Variants in RECQL4 observed in about 807,000 individuals in gnomAD.
RECQL4 encodes the protein ATP-dependent DNA helicase Q4.
RECQL4 carries 158 observed loss-of-function variants against 128.6 expected under a neutral mutation model. That is an observed-to-expected ratio of 1.23 (90% CI 1.08 to 1.40). The LOEUF is 1.40. RECQL4 is among the 40% of genes most tolerant of loss of function. The probability of loss-of-function intolerance (pLI) is 0.00; values close to 1 mark genes in which losing one functional copy is unlikely to be tolerated. For missense variants in RECQL4, 2,293 were observed against 1,649.8 expected (o/e 1.39, Z -6.75); for synonymous variants, 996 against 678.9 (o/e 1.47, Z -7.26).
chr8:144,515,887 A>C lies in RECQL4; in HGVS notation c.1135T>G (p.Trp379Gly). Residue 379 changes from tryptophan to glycine, a missense_variant, in exon 6 of 21, where the codon TGG (tryptophan) becomes GGG (glycine). Trp to Gly is a radical substitution (Grantham distance 184). Transcript: ENST00000617875. Reference protein sequence around the residue: ...LRSRLLRKQAWKQKWRKKGEC... With the variant: ...LRSRLLRKQAGKQKWRKKGEC... ...CCTTTCTTCCGCCACTTCTGCTTCC[A>C]TGCCTGGGGGGTGCCCACATAGGAG... The C allele has an allele frequency of 6.2e-7, 1 of 1,612,832 alleles. No individual in the cohort carries two copies. Among genetic ancestry groups the C allele is most frequent in the Non-Finnish European group, 8.5e-7 (1 of 1,179,790 alleles).
In RECQL4 at chr8:144,516,758, G is replaced by C. The variant is rs756069461; in HGVS notation, c.361C>G (p.Pro121Ala). ...GGCCACGGTCTGCGGCCCAGGGCTG[G>C]TCCGGCCTGGGAGGGGAACAACAGA... ...ANLKGTLQAG[P>A]ALGRRPWPLG... Residue 121 changes from proline (P) to alanine (A), a missense_variant, in exon 5 of 21, where the codon CCA (proline) becomes GCA (alanine). Pro to Ala is a conservative substitution (Grantham distance 27). Coordinates refer to ENST00000617875, the MANE Select transcript of RECQL4 (RefSeq NM_004260.4). The C allele has an allele frequency of 1.3e-5, 20 of 1,521,038 alleles. No individual in the cohort carries two copies. The highest frequency in any genetic ancestry group is 1.7e-5 in the Non-Finnish European group (19 of 1,138,610). The allele number at this position is 1,521,038 out of a possible 1,614,324, so 94.2% of individuals were successfully genotyped here. A position where few individuals can be genotyped will look rare whatever the true frequency, so the allele number is the denominator to read the frequency against.
In RECQL4 at chr8:144,517,479, G is replaced by A. The variant is rs1325079305; in HGVS notation, c.148C>T (p.Arg50Cys). ...CCGCCGCCGGCCTGGCCCGTGGTAC[G>A]CTTCAGAGTGCGGTATTCCCGGTAG... ...ALYREYRTLK[R>C]TTGQAGGGLR... Residue 50 changes from arginine (R) to cysteine (C), a missense_variant, in exon 3 of 21, where the codon CGT becomes TGT. By Grantham distance (180) the Arg-to-Cys change is radical. Coordinates refer to ENST00000617875, the MANE Select transcript of RECQL4 (RefSeq NM_004260.4). The A allele has an allele frequency of 2.5e-6, 4 of 1,597,118 alleles. No homozygotes were observed. Among genetic ancestry groups the A allele is most frequent in the South Asian group, 1.1e-5 (1 of 89,538 alleles).
In RECQL4 at chr8:144,512,423, G is replaced by A. The variant is rs1207281827; in HGVS notation, c.3024C>T (p.Cys1008=). The change falls in exon 17 of 21, where the codon TGC becomes TGT. Residue 1008 remains cysteine, a synonymous_variant. Coordinates refer to ENST00000617875, the MANE Select transcript of RECQL4 (RefSeq NM_004260.4). ...WELASVRRAL[C]QLQWDHEPRT... ...TGGGCTCGTGGTCCCACTGCAGCTG[G>A]CAGAGAGCCCGCCGCACAGAGGCCA... 1.9e-6 allele frequency: 3 copies of A among 1,608,192 alleles called. No homozygotes were observed. Among genetic ancestry groups the A allele is most frequent in the Non-Finnish European group, 2.5e-6 (3 of 1,177,036 alleles).
chr8:144,513,786 G>A (rs1366307104), intron 12 of RECQL4, 74 bp from the exon 13 acceptor site: 5 of 889,944 alleles, frequency 5.6e-6, no homozygotes, highest in African/African-American at 8.1e-5. Flanking sequence ...GTGAGGAGGG[G>A]TCGGCGTGGG....
In RECQL4 at chr8:144,516,424, G is replaced by A. The variant is rs1789584780; in HGVS notation, c.695C>T (p.Ala232Val). 6.2e-7 allele frequency: 1 copy of A among 1,609,166 alleles called. No homozygotes were observed. Among genetic ancestry groups the A allele is most frequent in the Non-Finnish European group, 8.5e-7 (1 of 1,179,668 alleles). ...TGAAGCCTCTGGGCCCTGGGAGCCA[G>A]CACCAGGACCAAGGACAGCCGACTC... Reference protein sequence around the residue: ...PGESAVLGPGAGSQGPEASAF... With the variant: ...PGESAVLGPGVGSQGPEASAF... Residue 232 changes from alanine to valine, a missense_variant, in exon 5 of 21, where the codon GCT (alanine) becomes GTT (valine). Coordinates refer to ENST00000617875, the MANE Select transcript of RECQL4 (RefSeq NM_004260.4).
In RECQL4 at chr8:144,514,127, GGT is replaced by G. The variant is rs1003029779; in HGVS notation, c.1879-22_1879-21del. ...AAGCACCTGCACCAGAGGCGGCAGT[GGT>G]GTGAGGCCGCCCAGCCCATCCCGGC... On this transcript the variant is annotated intron_variant, in intron 11 of 20. Transcript: ENST00000617875. The G allele has an allele frequency of 4.3e-6, 7 of 1,609,642 alleles. No individual in the cohort carries two copies. In the African/African-American group the frequency reaches 8.0e-5, roughly 18 times the overall value.
intron 7 of RECQL4, 24 bp from the exon 8 acceptor site, chr8:144,515,266 C>A (rs763066247): frequency 6.2e-7 from 1 of 1,606,984 alleles, no homozygotes; most frequent in South Asian, 1.1e-5. Context: ...TGTTGATCAC[C>A]ATGACTTGAG....
chr8:144,515,119 GC>G, intron 8 of RECQL4, 30 bp downstream of exon 8: 1 of 1,577,380 alleles, frequency 6.3e-7, no homozygotes, highest in Non-Finnish European at 8.6e-7. Context: ...CCTGGCCTCA[GC>G]CCAGCCTCAG....
chr8:144,511,766 G>C lies in RECQL4; in HGVS notation c.3417C>G (p.Val1139=), dbSNP rs761157177. ...QARLQDWEDQ[V]RCDIRQFLSL... The stretch of plus-strand genomic sequence containing the variant: ...ACAGGAACTGGCGGATGTCGCAGCG[G>C]ACCTGGTCCTCCCAATCCTGGAGCT... Residue 1139 remains valine (V), a synonymous_variant, in exon 20 of 21, where the codon GTC becomes GTG. Transcript: ENST00000617875. 1.9e-6 allele frequency: 3 copies of C among 1,612,580 alleles called. No individual in the cohort carries two copies. In the East Asian group the frequency reaches 6.7e-5, roughly 36 times the overall value.
chr8:144,516,541 C>T lies in RECQL4; in HGVS notation c.578G>A (p.Arg193Gln), dbSNP rs747963862. 21 of 1,609,808 alleles carry T rather than the reference C, an allele frequency of 1.3e-5. No homozygotes were observed. The highest frequency in any genetic ancestry group is 6.7e-5 in the Admixed American group (4 of 59,724). The change falls in exon 5 of 21, where the codon CGA becomes CAA. Residue 193 changes from arginine (R) to glutamine (Q), a missense_variant. Physicochemically the swap from Arg to Gln is conservative, Grantham distance 43. Transcript: ENST00000617875. ...LGSLDPGWLQRCHSEVPDFLG... is the reference protein window; with the variant it reads ...LGSLDPGWLQQCHSEVPDFLG... ...AAAATCTGGGACCTCACTGTGACAT[C>T]GCTGTAACCAGCCAGGATCTAGGGA... is the stretch of plus-strand genomic sequence containing the variant.
rs759359138 is a variant in RECQL4 at position 144,512,559 on chromosome 8, C to T, written c.2888G>A (p.Cys963Tyr). 2 of 1,612,482 alleles carry T rather than the reference C, an allele frequency of 1.2e-6. No homozygotes were observed. Among genetic ancestry groups the T allele is most frequent in the South Asian group, 2.2e-5 (2 of 91,086 alleles). Residue 963 changes from cysteine (C) to tyrosine (Y), a missense_variant and splice_region_variant, in exon 17 of 21, where the codon TGT becomes TAT. Physicochemically the swap from Cys to Tyr is radical, Grantham distance 194 (BLOSUM62 -2). Transcript: ENST00000617875. Reference sequence around the variant, plus strand: ...GGCCAAGCACACAGCCAAAGGGGGACACCTGTGCCCAGGGAAAAAGGGACA... The same window carrying T: ...GGCCAAGCACACAGCCAAAGGGGGATACCTGTGCCCAGGGAAAAAGGGACA... ...PAQLQALAHRCPPLAVCLAQQ... is the reference protein window; with the variant it reads ...PAQLQALAHRYPPLAVCLAQQ...
At position 144,514,104 on chromosome 8, in the gene RECQL4, G is replaced by C. The variant is rs1336158277; in HGVS notation, c.1882C>G (p.Leu628Val). ...CAGTGCACGCCCATGCGCTCCCGAA[G>C]CACCTGCACCAGAGGCGGCAGTGGT... ...RPCYLRVCKVLRERMGVHCFL... is the reference protein window; with the variant it reads ...RPCYLRVCKVVRERMGVHCFL... The change falls in exon 12 of 21, where the codon CTT (leucine) becomes GTT (valine). Residue 628 changes from leucine (L) to valine (V), a missense_variant. Physicochemically the swap from Leu to Val is conservative, Grantham distance 32. Coordinates refer to ENST00000617875, the MANE Select transcript of RECQL4 (RefSeq NM_004260.4). 1.2e-6 allele frequency: 2 copies of C among 1,606,588 alleles called. No individual in the cohort carries two copies. The highest frequency in any genetic ancestry group is 4.5e-5 in the East Asian group (2 of 44,620).
chr8:144,517,531 G>A (rs1815376476), intron 2 of RECQL4, 23 bp from the exon 3 acceptor site: 1 of 1,564,480 alleles, frequency 6.4e-7, no homozygotes, highest in Non-Finnish European at 8.6e-7. Context: ...GCGGGAGGCG[G>A]GGTCAGGGTG....
In RECQL4 at chr8:144,514,985, G is replaced by T. The variant is rs1290725345; in HGVS notation, c.1571C>A (p.Pro524His). The change falls in exon 9 of 21, where the codon CCC (proline) becomes CAC (histidine). Residue 524 changes from proline to histidine, a missense_variant. Coordinates refer to ENST00000617875, the MANE Select transcript of RECQL4 (RefSeq NM_004260.4). ...LPALLYSRRSPCLTLVVSPLL... is the reference protein window; with the variant it reads ...LPALLYSRRSHCLTLVVSPLL... The stretch of plus-strand genomic sequence containing the variant: ...GGGAGAGACGACCAACGTGAGGCAG[G>T]GGCTGCGCCGGCTGTAGAGCAGCGC... 6.2e-7 allele frequency: 1 copy of T among 1,611,764 alleles called. No homozygotes were observed. The highest frequency in any genetic ancestry group is 2.2e-5 in the East Asian group (1 of 44,856).
Position 144,517,436 on chromosome 8 carries a change from G to C in RECQL4, c.191C>G (p.Ser64Trp). 6.3e-7 allele frequency: 1 copy of C among 1,585,970 alleles called. No homozygotes were observed. Among genetic ancestry groups the C allele is most frequent in the Non-Finnish European group, 8.5e-7 (1 of 1,171,264 alleles). The part of the protein sequence containing the change: ...QAGGGLRSSE[S>W]LPAAAEEAPE... ...TACCTCTTCGGCCGCCGCGGGGAGCGACTCGGAGCTGCGGAGCCCGCCGCC... is the reference window on the plus strand; with the variant it reads ...TACCTCTTCGGCCGCCGCGGGGAGCCACTCGGAGCTGCGGAGCCCGCCGCC... The change falls in exon 3 of 21, where the codon TCG becomes TGG. Residue 64 changes from serine to tryptophan, a missense_variant. Ser to Trp is a radical substitution (Grantham distance 177). Transcript: ENST00000617875.
Position 144,515,368 on chromosome 8 carries a change from C to T in RECQL4, c.1348G>A (p.Val450Met), listed in dbSNP as rs200941778. Residue 450 changes from valine (V) to methionine (M), a missense_variant, in exon 7 of 21, where the codon GTG becomes ATG. Coordinates refer to ENST00000617875, the MANE Select transcript of RECQL4 (RefSeq NM_004260.4). The stretch of plus-strand genomic sequence containing the variant: ...GGCCCCAGGGAGTAGAGTGGCAGCA[C>T]GGTGGGGTCCAGGCTGGGCACCTCA... ...VPEVPSLDPT[V>M]LPLYSLGPSG... The T allele has an allele frequency of 1.7e-4, 274 of 1,612,718 alleles. No individual in the cohort carries two copies. The Admixed American group carries it at 1.8e-3, about 11-fold the overall frequency.
rs756205626 is a variant in RECQL4 at position 144,512,084 on chromosome 8, G to A, written c.3237-17C>T. ...AAGGCTACGCTGTGGGGAGGAGCCT[G>A]TCAGAGCTGATCACTGCGGGAGGGT... is the stretch of plus-strand genomic sequence containing the variant. On this transcript the variant is annotated splice_polypyrimidine_tract_variant and intron_variant, in intron 18 of 20. Coordinates refer to ENST00000617875, the MANE Select transcript of RECQL4 (RefSeq NM_004260.4). The A allele has an allele frequency of 5.0e-6, 8 of 1,606,398 alleles. No homozygotes were observed. In the East Asian group the frequency reaches 1.3e-4, roughly 27 times the overall value.
At position 144,516,093 on chromosome 8, in the gene RECQL4, G is replaced by A; in HGVS notation, c.1026C>T (p.Phe342=). The A allele has an allele frequency of 3.1e-6, 5 of 1,612,766 alleles. No homozygotes were observed. In the South Asian group the frequency reaches 3.3e-5, roughly 11 times the overall value. Reference sequence around the variant, plus strand: ...CCCTGTCATGGCGGGCCAGCCGAGGGAAGATGTGCAGGGGGGCTGTGCCCT... The same window carrying A: ...CCCTGTCATGGCGGGCCAGCCGAGGAAAGATGTGCAGGGGGGCTGTGCCCT... ...KAEGTAPLHI[F]PRLARHDRGN... The change falls in exon 5 of 21, where the codon TTC becomes TTT. Residue 342 remains phenylalanine (F), a synonymous_variant. Coordinates refer to ENST00000617875, the MANE Select transcript of RECQL4 (RefSeq NM_004260.4).
rs771526891 is a variant in RECQL4 at position 144,512,599 on chromosome 8, C to T, written c.2886-38G>A. ...AAAAAGGGACATGTGGCCAACAGCC[C>T]TGATTCTCCAACCTCGTCTCCAACT... On this transcript the variant is annotated intron_variant, in intron 16 of 20. Transcript: ENST00000617875. 4 of 1,612,052 alleles carry T rather than the reference C, an allele frequency of 2.5e-6. No homozygotes were observed. In the Admixed American group the frequency reaches 6.7e-5, roughly 27 times the overall value.
Sources: allele counts gnomAD v4.1 joint callset, GRCh38; gene constraint gnomAD v4.1.1; transcripts MANE v1.5; gene names NCBI Gene and HGNC (gene_info 2026-07-23, HGNC 2026-07-21).